The following POM121L2 variants were observed in gnomAD, a reference collection of about 807,000 sequenced individuals.
POM121L2 encodes the protein POM121 transmembrane nucleoporin like 2, also known as POM121-like protein 2.
For synonymous variants in POM121L2, 459 were observed against 483.8 expected (o/e 0.95, Z 0.67); for missense variants, 1,167 against 1,260.3 (o/e 0.93, Z 1.12).
chr6:27,310,861 G>A lies in POM121L2; in HGVS notation c.1310C>T (p.Thr437Ile), dbSNP rs1210313133. The change falls in exon 1 of 1, where the codon ACA becomes ATA. Residue 437 changes from threonine (T) to isoleucine (I), a missense_variant. Coordinates refer to ENST00000444565, the MANE Select transcript of POM121L2 (RefSeq NM_033482.4). ...CCCAGGTGGGGTCGGTAGGCTGGGT[G>A]TCTTCAAAGGAGAATGGGCCACACT... Reference protein sequence around the residue: ...ATSVAHSPLKTPSLPTPPGCS... With the variant: ...ATSVAHSPLKIPSLPTPPGCS... The A allele has an allele frequency of 1.3e-6, 2 of 1,551,770 alleles. No individual in the cohort carries two copies. The highest frequency in any genetic ancestry group is 1.4e-5 in the African/African-American group (1 of 73,156).
Position 27,309,156 on chromosome 6 carries a change from T to C in POM121L2, c.3015A>G (p.Ser1005=). The change falls in exon 1 of 1, where the codon TCA becomes TCG. Residue 1005 remains serine (S), a synonymous_variant. Transcript: ENST00000444565. Reference sequence around the variant, plus strand: ...CGCCAATGGAAAATGAAGAGGCTGATGATCTAAAAGGTCCTCTCCCAACAG... The same window carrying C: ...CGCCAATGGAAAATGAAGAGGCTGACGATCTAAAAGGTCCTCTCCCAACAG... ...QGSVGRGPFR[S]SASSFSIGAK... 1.3e-6 allele frequency: 2 copies of C among 1,551,796 alleles called. No individual in the cohort carries two copies. Among genetic ancestry groups the C allele is most frequent in the Non-Finnish European group, 1.7e-6 (2 of 1,147,014 alleles).
In POM121L2 at chr6:27,309,909, A is replaced by C; in HGVS notation, c.2262T>G (p.Ser754Arg). ...SISNLTPAIT[S>R]PLGSSSRPPF... ...GTGGCCTTGAGCTTGATCCCAAGGGACTTGTGATTGCTGGAGTCAGGTTGG... is the reference window on the plus strand; with the variant it reads ...GTGGCCTTGAGCTTGATCCCAAGGGCCTTGTGATTGCTGGAGTCAGGTTGG... The change falls in exon 1 of 1, where the codon AGT (serine) becomes AGG (arginine). Residue 754 changes from serine to arginine, a missense_variant. By Grantham distance (110) the Ser-to-Arg change is moderately radical. Coordinates refer to ENST00000444565, the MANE Select transcript of POM121L2 (RefSeq NM_033482.4). The C allele has an allele frequency of 1.3e-6, 2 of 1,551,584 alleles. No homozygotes were observed. Among genetic ancestry groups the C allele is most frequent in the Non-Finnish European group, 1.7e-6 (2 of 1,146,958 alleles).
rs1760708819 is a variant in POM121L2, at chr6:27,309,167, G to T, written c.3004C>A (p.Pro1002Thr). Residue 1002 changes from proline to threonine, a missense_variant, in exon 1 of 1, where the codon CCT (proline) becomes ACT (threonine). By Grantham distance (38) the Pro-to-Thr change is conservative. Transcript: ENST00000444565. Reference sequence around the variant, plus strand: ...AATGAAGAGGCTGATGATCTAAAAGGTCCTCTCCCAACAGAGCCCTGGGCA... The same window carrying T: ...AATGAAGAGGCTGATGATCTAAAAGTTCCTCTCCCAACAGAGCCCTGGGCA... ...PPAQGSVGRG[P>T]FRSSASSFSI... 2 of 1,551,764 alleles carry T rather than the reference G, an allele frequency of 1.3e-6. No homozygotes were observed. The highest frequency in any genetic ancestry group is 1.7e-6 in the Non-Finnish European group (2 of 1,147,016).
In POM121L2 at chr6:27,310,117, A is replaced by G. The variant is rs1253405955; in HGVS notation, c.2054T>C (p.Phe685Ser). 6.4e-7 allele frequency: 1 copy of G among 1,551,910 alleles called. No homozygotes were observed. Among genetic ancestry groups the G allele is most frequent in the Non-Finnish European group, 8.7e-7 (1 of 1,147,070 alleles). ...ADFTPATGFI[F>S]PPHHHPTIPT... Reference sequence around the variant, plus strand: ...AATTGTAGGATGGTGGTGTGGTGGGAAAATGAATCCTGTGGCTGGGGTGAA... The same window carrying G: ...AATTGTAGGATGGTGGTGTGGTGGGGAAATGAATCCTGTGGCTGGGGTGAA... The change falls in exon 1 of 1, where the codon TTC (phenylalanine) becomes TCC (serine). Residue 685 changes from phenylalanine (F) to serine (S), a missense_variant. Transcript: ENST00000444565.
In POM121L2 at chr6:27,310,513, C is replaced by G; in HGVS notation, c.1658G>C (p.Arg553Thr). The G allele has an allele frequency of 6.4e-7, 1 of 1,552,286 alleles. No homozygotes were observed. The highest frequency in any genetic ancestry group is 8.7e-7 in the Non-Finnish European group (1 of 1,147,128). Residue 553 changes from arginine (R) to threonine (T), a missense_variant, in exon 1 of 1, where the codon AGA becomes ACA. Coordinates refer to ENST00000444565, the MANE Select transcript of POM121L2 (RefSeq NM_033482.4). Reference sequence around the variant, plus strand: ...AGATGCTGCAGCTGTGACTGAAATTCTGGAATATGAGGAGCTTCCAATCTC... The same window carrying G: ...AGATGCTGCAGCTGTGACTGAAATTGTGGAATATGAGGAGCTTCCAATCTC... ...NSEIGSSSYS[R>T]ISVTAAASSI...
At position 27,310,129 on chromosome 6, in the gene POM121L2, G is replaced by A; in HGVS notation, c.2042C>T (p.Thr681Ile). The A allele has an allele frequency of 6.4e-7, 1 of 1,551,952 alleles. No homozygotes were observed. The highest frequency in any genetic ancestry group is 8.7e-7 in the Non-Finnish European group (1 of 1,147,056). The change falls in exon 1 of 1, where the codon ACA becomes ATA. Residue 681 changes from threonine to isoleucine, a missense_variant. Transcript: ENST00000444565. ...GTGGTGTGGTGGGAAAATGAATCCTGTGGCTGGGGTGAAGTCGGCCCTGAA... is the reference window on the plus strand; with the variant it reads ...GTGGTGTGGTGGGAAAATGAATCCTATGGCTGGGGTGAAGTCGGCCCTGAA... Reference protein sequence around the residue: ...QAFRADFTPATGFIFPPHHHP... With the variant: ...QAFRADFTPAIGFIFPPHHHP...
chr6:27,312,090 C>A lies in POM121L2; in HGVS notation c.81G>T (p.Thr27=). The change falls in exon 1 of 1, where the codon ACG becomes ACT. Residue 27 remains threonine (T), a synonymous_variant. Transcript: ENST00000444565. The surrounding 1 kb of genome is among the most constrained non-coding windows in gnomAD (Gnocchi z 6.7). Reference sequence around the variant, plus strand: ...GAAGGGGCTGAGGTGGCCGGCGTTTCGTGGGCCTCTCGGGCAAGTCGGTGC... The same window carrying A: ...GAAGGGGCTGAGGTGGCCGGCGTTTAGTGGGCCTCTCGGGCAAGTCGGTGC... ...QVRTDLPERP[T]KRRPPQPLHQ... The A allele has an allele frequency of 6.7e-7, 1 of 1,483,692 alleles. No individual in the cohort carries two copies. Among genetic ancestry groups the A allele is most frequent in the Non-Finnish European group, 9.0e-7 (1 of 1,115,108 alleles). The allele number at this position is 1,483,692 out of a possible 1,614,324, so 91.9% of individuals were successfully genotyped here. A position where few individuals can be genotyped will look rare whatever the true frequency, so the allele number is the denominator to read the frequency against.
Position 27,310,591 on chromosome 6 carries a change from G to T in POM121L2, c.1580C>A (p.Ala527Glu), listed in dbSNP as rs1296711328. The stretch of plus-strand genomic sequence containing the variant: ...TTTTAACATGAGGTGAGCAGAAGTT[G>T]CATCAGGAGGTGCAGATGCAGAAAG... ...SHLSASAPPD[A>E]TSAHLMLKPI... is the part of the protein sequence containing the mutation. The change falls in exon 1 of 1, where the codon GCA (alanine) becomes GAA (glutamate). Residue 527 changes from alanine (A) to glutamate (E), a missense_variant. By Grantham distance (107) the Ala-to-Glu change is moderately radical (BLOSUM62 -1). Transcript: ENST00000444565. The T allele has an allele frequency of 5.2e-6, 8 of 1,551,892 alleles. No individual in the cohort carries two copies. The highest frequency in any genetic ancestry group is 7.0e-6 in the Non-Finnish European group (8 of 1,147,074).
At position 27,309,366 on chromosome 6, in the gene POM121L2, A is replaced by G; in HGVS notation, c.2805T>C (p.Phe935=). ...CAGTGTTCTGGCTCCAGCCTTTTCCAAAGGGGATCATGGTGTTAGTGGTCC... is the reference window on the plus strand; with the variant it reads ...CAGTGTTCTGGCTCCAGCCTTTTCCGAAGGGGATCATGGTGTTAGTGGTCC... The part of the protein sequence containing the change: ...PSGTTNTMIP[F]GKGWSQNTEG... The change falls in exon 1 of 1, where the codon TTT becomes TTC. Residue 935 remains phenylalanine (F), a synonymous_variant. Transcript: ENST00000444565. 1 of 1,551,614 alleles carries G rather than the reference A, an allele frequency of 6.4e-7. No individual in the cohort carries two copies.
At position 27,309,921 on chromosome 6, in the gene POM121L2, T is replaced by C; in HGVS notation, c.2250A>G (p.Pro750=). Residue 750 remains proline (P), a synonymous_variant, in exon 1 of 1, where the codon CCA becomes CCG. Transcript: ENST00000444565. ...ASTPSISNLT[P]AITSPLGSSS... is the part of the protein sequence containing the mutation. ...TTGATCCCAAGGGACTTGTGATTGCTGGAGTCAGGTTGGAGATGCTGGGGG... is the reference window on the plus strand; with the variant it reads ...TTGATCCCAAGGGACTTGTGATTGCCGGAGTCAGGTTGGAGATGCTGGGGG... 1 of 1,551,714 alleles carries C rather than the reference T, an allele frequency of 6.4e-7. No homozygotes were observed. The highest frequency in any genetic ancestry group is 8.7e-7 in the Non-Finnish European group (1 of 1,146,990).
chr6:27,310,974 C>G lies in POM121L2; in HGVS notation c.1197G>C (p.Gln399His). The change falls in exon 1 of 1, where the codon CAG becomes CAC. Residue 399 changes from glutamine (Q) to histidine (H), a missense_variant. Physicochemically the swap from Gln to His is conservative, Grantham distance 24. Coordinates refer to ENST00000444565, the MANE Select transcript of POM121L2 (RefSeq NM_033482.4). ...AGTTTTCCAACTGAGGATTTGCTCC[C>G]TGGGTTAGATCTGTTTCTGAAGAAG... ...ALPSSETDLT[Q>H]GANPQLENLR... The G allele has an allele frequency of 1.3e-6, 2 of 1,551,924 alleles. No individual in the cohort carries two copies. Among genetic ancestry groups the G allele is most frequent in the African/African-American group, 1.4e-5 (1 of 73,154 alleles).
Position 27,309,883 on chromosome 6 carries a change from G to C in POM121L2, c.2288C>G (p.Pro763Arg). ...ATTAGCTCCTTGGGATAGTGGGAAA[G>C]GTGGCCTTGAGCTTGATCCCAAGGG... ...TSPLGSSSRP[P>R]FPLSQGANPQ... The change falls in exon 1 of 1, where the codon CCT (proline) becomes CGT (arginine). Residue 763 changes from proline to arginine, a missense_variant. Physicochemically the swap from Pro to Arg is moderately radical, Grantham distance 103. Transcript: ENST00000444565. 1 of 1,551,802 alleles carries C rather than the reference G, an allele frequency of 6.4e-7. No homozygotes were observed.
rs1370179365 is a variant in POM121L2, at chr6:27,308,646, C to A, written c.*417G>T. Among the ~76,000 whole-genome samples, 1 of 152,198 alleles carries A rather than the reference C, an allele frequency of 6.6e-6. No homozygotes were observed. Among genetic ancestry groups the A allele is most frequent in the South Asian group, 2.1e-4 (1 of 4,832 alleles). On this transcript the variant is annotated 3_prime_UTR_variant, in exon 1 of 1. Transcript: ENST00000444565. ...CATTTAAGTGACACTCTCTAAAAGA[C>A]AACCTATAGTGAGTAACAGAGAACA...
Position 27,311,287 on chromosome 6 carries a change from G to C in POM121L2, c.884C>G (p.Pro295Arg), listed in dbSNP as rs1159533284. The C allele has an allele frequency of 6.4e-7, 1 of 1,551,750 alleles. No homozygotes were observed. Among genetic ancestry groups the C allele is most frequent in the Admixed American group, 2.0e-5 (1 of 51,008 alleles). The change falls in exon 1 of 1, where the codon CCT becomes CGT. Residue 295 changes from proline (P) to arginine (R), a missense_variant. Transcript: ENST00000444565. The stretch of plus-strand genomic sequence containing the variant: ...TGATACCAGTGGGACTGGAGAGGAA[G>C]GCCGATGACAACTTTTTTCCTTTTT... ...PIKKEKSCHR[P>R]SSPVPLVSDF... is the part of the protein sequence containing the mutation.
In POM121L2 at chr6:27,310,285, G is replaced by A. The variant is rs1359099760; in HGVS notation, c.1886C>T (p.Ala629Val). The A allele has an allele frequency of 1.3e-6, 2 of 1,552,368 alleles. No individual in the cohort carries two copies. Among genetic ancestry groups the A allele is most frequent in the Admixed American group, 3.9e-5 (2 of 51,022 alleles). The change falls in exon 1 of 1, where the codon GCC becomes GTC. Residue 629 changes from alanine to valine, a missense_variant. Transcript: ENST00000444565. ...ATSVVMSTTL[A>V]STSKDSVFKP... ...AAAAACAGAGTCTTTAGATGTGCTGGCTAGGGTGGTGGACATGACCACAGA... is the reference window on the plus strand; with the variant it reads ...AAAAACAGAGTCTTTAGATGTGCTGACTAGGGTGGTGGACATGACCACAGA...
chr6:27,311,784 C>T lies in POM121L2; in HGVS notation c.387G>A (p.Val129=). ...TIRITPPDQR[V]PPSTSPEDVI... ...CATCTTCAGGAGAAGTGGAAGGGGGCACTCTCTGGTCAGGAGGAGTGATCC... is the reference window on the plus strand; with the variant it reads ...CATCTTCAGGAGAAGTGGAAGGGGGTACTCTCTGGTCAGGAGGAGTGATCC... Residue 129 remains valine, a synonymous_variant, in exon 1 of 1, where the codon GTG becomes GTA. Transcript: ENST00000444565. 3.2e-6 allele frequency: 5 copies of T among 1,551,792 alleles called. No homozygotes were observed. Among genetic ancestry groups the T allele is most frequent in the Non-Finnish European group, 4.4e-6 (5 of 1,147,006 alleles).
At position 27,311,538 on chromosome 6, in the gene POM121L2, C is replaced by T. The variant is rs1421511658; in HGVS notation, c.633G>A (p.Arg211=). ...KNGTLTSFVP[R]PGPLKRSLHS... ...GGAGACTTCTCTTCAGCGGCCCAGG[C>T]CTGGGCACAAAAGAAGTGAGGGTTC... The change falls in exon 1 of 1, where the codon AGG becomes AGA. Residue 211 remains arginine (R), a synonymous_variant. Coordinates refer to ENST00000444565, the MANE Select transcript of POM121L2 (RefSeq NM_033482.4). The T allele has an allele frequency of 6.4e-7, 1 of 1,551,730 alleles. No homozygotes were observed. The highest frequency in any genetic ancestry group is 2.0e-5 in the Admixed American group (1 of 51,004).
Position 27,311,858 on chromosome 6 carries a change from T to C in POM121L2, c.313A>G (p.Ile105Val), listed in dbSNP as rs903048259. The change falls in exon 1 of 1, where the codon ATT becomes GTT. Residue 105 changes from isoleucine (I) to valine (V), a missense_variant. Ile to Val is a conservative substitution (Grantham distance 29, BLOSUM62 3). Transcript: ENST00000444565. Reference sequence around the variant, plus strand: ...GGCCTGGGATGTCGAAGAGACCAAATAGTCCGCTTTAAGTAACTTTCCCAC... The same window carrying C: ...GGCCTGGGATGTCGAAGAGACCAAACAGTCCGCTTTAAGTAACTTTCCCAC... Reference protein sequence around the residue: ...DWWESYLKRTIWSLRHPRPIW... With the variant: ...DWWESYLKRTVWSLRHPRPIW... 1.0e-5 allele frequency: 16 copies of C among 1,551,716 alleles called. No individual in the cohort carries two copies. In the East Asian group the frequency reaches 3.2e-4, roughly 31 times the overall value.
rs759349938 is a variant in POM121L2, at chr6:27,310,008, G to A, written c.2163C>T (p.Phe721=). Residue 721 remains phenylalanine (F), a synonymous_variant, in exon 1 of 1, where the codon TTC becomes TTT. Transcript: ENST00000444565. ...CAGGCAGAGGGCTGCCCATACCCCT[G>A]AAATTAGCAGTGCTGCTTCTAGGGG... ...QISPRSSTAN[F]RGMGSPLPAS... is the part of the protein sequence containing the mutation. 2 of 1,552,028 alleles carry A rather than the reference G, an allele frequency of 1.3e-6. No homozygotes were observed. Among genetic ancestry groups the A allele is most frequent in the Non-Finnish European group, 1.7e-6 (2 of 1,147,056 alleles).
Sources: gnomAD v4.1 joint callset for allele counts (sites outside exome capture counted in the v4.1 genomes callset) on GRCh38, gnomAD v4.1.1 for gene constraint, Gnocchi (gnomAD v3.1) non-coding constraint, MANE v1.5 for transcripts, NCBI Gene and HGNC (gene_info 2026-07-23, HGNC 2026-07-21) for gene names.